TIMD4: variants seen among roughly 807,000 people sequenced by gnomAD.
TIMD4 encodes T cell immunoglobulin and mucin domain containing 4.
Under a neutral mutation model 41.2 loss-of-function variants are expected in TIMD4, and 31 were observed. The ratio of observed to expected loss-of-function variants is 0.75; its 90% confidence interval spans 0.57 to 1.01. The LOEUF (loss-of-function observed/expected upper bound fraction) is 1.01, where lower values mean the gene tolerates loss of function less well. TIMD4 is among the 50% of genes least tolerant of loss of function. The pLI is 0.00. For synonymous variants in TIMD4, 204 were observed against 177.1 expected, an observed-to-expected ratio of 1.15 and a Z score of -1.21; for missense variants, 479 against 472.5, an observed-to-expected ratio of 1.01 and a Z score of -0.13.
chr5:156,947,517 A>G (rs1759766973), intron 5 of TIMD4, among the ~76,000 whole-genome samples: 1 of 152,248 alleles, frequency 6.6e-6, no homozygotes. Context: ...CTGTTTATAA[A>G]AAGGAAACAT....
intron 5 of TIMD4, among the ~76,000 whole-genome samples, chr5:156,944,840 T>G (rs1468401476): frequency 6.6e-6 from 1 of 152,030 alleles, no homozygotes; most frequent in Non-Finnish European, 1.5e-5. Context: ...TGAGCCACTG[T>G]GCCTGGCCAG....
intron 5 of TIMD4, among the ~76,000 whole-genome samples, 197 bp from the exon 6 acceptor site, chr5:156,926,509 G>A (rs561204802): frequency 2.2e-4 from 34 of 152,254 alleles, no homozygotes; most frequent in African/African-American, 7.7e-4. Flanking sequence ...GCTATACAAC[G>A]TTATCCCTGG....
intron 5 of TIMD4, among the ~76,000 whole-genome samples, chr5:156,932,039 G>A (rs1007234681): frequency 6.6e-5 from 10 of 152,076 alleles, no homozygotes; most frequent in Admixed American, 5.2e-4. Flanking sequence ...GAATGAGTAT[G>A]CAAATACTTA....
intron 1 of TIMD4, among the ~76,000 whole-genome samples, chr5:156,959,410 A>G (rs1561556379): frequency 2.0e-5 from 3 of 152,228 alleles, no homozygotes; most frequent in African/African-American, 2.4e-5. Context: ...TGAAATTAAC[A>G]AAGTATTAAT....
At chr5:156,924,118 C>A (rs1759304218) in intron 6 of TIMD4, 2 of 279,228 alleles carry the variant, frequency 7.2e-6, no homozygotes, top group Non-Finnish European at 1.4e-5. Context: ...CTGCCAGTAA[C>A]ATGTTCAAGG....
At chr5:156,953,722 G>A (rs955275854) in intron 2 of TIMD4, among the ~76,000 whole-genome samples, 4 of 150,470 alleles carry the variant, frequency 2.7e-5, no homozygotes, top group Non-Finnish European at 5.9e-5. Context: ...CTTCCAAAGT[G>A]CCCATCCAGT....
intron 5 of TIMD4, among the ~76,000 whole-genome samples, chr5:156,930,390 T>C (rs1007244781): frequency 2.6e-5 from 4 of 152,252 alleles, no homozygotes; most frequent in African/African-American, 9.6e-5. Flanking sequence ...GTTGTGGAGC[T>C]GGGATTTGAA....
intron 5 of TIMD4, chr5:156,935,531 G>A (rs1561547333): frequency 6.6e-6 from 1 of 152,196 alleles, no homozygotes; most frequent in Non-Finnish European, 1.5e-5. Flanking sequence ...AGAATTGGGT[G>A]GGGTCCATGT....
intron 1 of TIMD4, among the ~76,000 whole-genome samples, chr5:156,962,612 A>G (rs565660619): frequency 2.6e-5 from 4 of 152,288 alleles, no homozygotes; most frequent in South Asian, 4.2e-4. Flanking sequence ...ACTTGGCTCT[A>G]TACCACCAGG....
At chr5:156,944,116 T>G (rs991273499) in intron 5 of TIMD4, among the ~76,000 whole-genome samples, 1 of 151,994 alleles carries the variant, frequency 6.6e-6, no homozygotes, top group Non-Finnish European at 1.5e-5. Flanking sequence ...AAAAGTATGA[T>G]CAGAGTTCCT....
At chr5:156,946,746 A>G (rs1005205391) in intron 5 of TIMD4, among the ~76,000 whole-genome samples, 9 of 151,376 alleles carry the variant, frequency 5.9e-5, no homozygotes, top group East Asian at 2.0e-4. Context: ...CGGCCTCCCA[A>G]GGTGCTGTAA....
intron 1 of TIMD4, among the ~76,000 whole-genome samples, chr5:156,958,379 G>T: frequency 9.7e-6 from 1 of 102,786 alleles, no homozygotes; most frequent in Non-Finnish European, 2.0e-5. Context: ...GAAAGGAAAG[G>T]AAAGGAAAGG....
intron 5 of TIMD4, among the ~76,000 whole-genome samples, chr5:156,947,430 G>T (rs530224802): frequency 3.3e-5 from 5 of 152,186 alleles, no homozygotes; most frequent in African/African-American, 1.2e-4. Context: ...TTTACTTTTT[G>T]GTCACCATCC....
At chr5:156,934,409 C>T (rs988040192) in intron 5 of TIMD4, among the ~76,000 whole-genome samples, 1 of 152,090 alleles carries the variant, frequency 6.6e-6, no homozygotes, top group Non-Finnish European at 1.5e-5. Context: ...GTGTGTGCCA[C>T]CACACCTAGC....
At chr5:156,953,477 G>A (rs545579833) in intron 2 of TIMD4, among the ~76,000 whole-genome samples, 12 of 151,998 alleles carry the variant, frequency 7.9e-5, no homozygotes, top group African/African-American at 2.9e-4. Flanking sequence ...CCAACATGGT[G>A]AAATCTCATC....
chr5:156,943,096 A>G (rs1350490485), intron 5 of TIMD4, among the ~76,000 whole-genome samples: 1 of 152,202 alleles, frequency 6.6e-6, no homozygotes, highest in African/African-American at 2.4e-5. Flanking sequence ...ATAAAACTGG[A>G]AAGTATCTAT....
intron 5 of TIMD4, among the ~76,000 whole-genome samples, chr5:156,943,026 G>A (rs1759674594): frequency 6.6e-6 from 1 of 152,112 alleles, no homozygotes; most frequent in Non-Finnish European, 1.5e-5. Context: ...ACTTCTCTGG[G>A]TTTGTGATTT....
chr5:156,939,433 A>G (rs765800195), intron 5 of TIMD4, among the ~76,000 whole-genome samples: 2 of 152,208 alleles, frequency 1.3e-5, no homozygotes, highest in African/African-American at 2.4e-5. Flanking sequence ...TTGAGAGAAT[A>G]TACATGAAAG....
At chr5:156,943,785 C>T (rs1759688017) in intron 5 of TIMD4, among the ~76,000 whole-genome samples, 1 of 152,018 alleles carries the variant, frequency 6.6e-6, no homozygotes, top group East Asian at 1.9e-4. Flanking sequence ...GGTGCAGAGG[C>T]TCACACCTGT....
Sources: allele counts gnomAD v4.1 joint callset (sites outside exome capture counted in the v4.1 genomes callset), GRCh38; gene constraint gnomAD v4.1.1; transcripts MANE v1.5; gene names NCBI Gene and HGNC (gene_info 2026-07-23, HGNC 2026-07-21).